C12orf42: variants seen among roughly 807,000 people sequenced by gnomAD.
C12orf42 encodes the protein uncharacterized protein C12orf42.
Under a neutral mutation model 21.6 loss-of-function variants are expected in C12orf42, and 25 were observed. That is an observed-to-expected ratio of 1.16 (90% CI 0.84 to 1.62). C12orf42 has a LOEUF of 1.62. C12orf42 is among the 40% of genes most tolerant of loss of function. The pLI is 0.00. For missense variants in C12orf42, 483 were observed against 459.3 expected (o/e 1.05, Z -0.47); for synonymous variants, 174 against 175.0 (o/e 0.99, Z 0.05).
chr12:103,183,177 G>A, the C12orf42 span, among the ~76,000 whole-genome samples: 1 of 152,196 alleles, frequency 6.6e-6, no homozygotes, highest in Non-Finnish European at 1.5e-5. Context: ...TGCCACCCAG[G>A]TTCAACAGAT....
At chr12:103,415,491 C>A (rs1038591737) in intron 2 of C12orf42, among the ~76,000 whole-genome samples, 1 of 152,184 alleles carries the variant, frequency 6.6e-6, no homozygotes, top group Non-Finnish European at 1.5e-5. Flanking sequence ...TTCTCATCTG[C>A]ACACAGAACA....
chr12:103,561,841 A>T, the C12orf42 span, among the ~76,000 whole-genome samples: 10 of 152,230 alleles, frequency 6.6e-5, no homozygotes, highest in Non-Finnish European at 2.9e-5. Context: ...ATGATCTGGG[A>T]CTTTTCAAAT....
At chr12:103,339,437 T>G (rs913272392) in intron 4 of C12orf42, among the ~76,000 whole-genome samples, 3 of 152,202 alleles carry the variant, frequency 2.0e-5, no homozygotes, top group Non-Finnish European at 4.4e-5. Flanking sequence ...AACTACTACT[T>G]GTGAGACCTT....
intron 1 of C12orf42, among the ~76,000 whole-genome samples, chr12:103,485,104 C>T (rs1187129015): frequency 6.6e-6 from 1 of 152,068 alleles, no homozygotes; most frequent in East Asian, 1.9e-4. Flanking sequence ...CTCCTGATCT[C>T]GTGATCTGCC....
At chr12:103,221,087 A>G in the C12orf42 span, among the ~76,000 whole-genome samples, 2 of 152,220 alleles carry the variant, frequency 1.3e-5, no homozygotes, top group Non-Finnish European at 2.9e-5. Flanking sequence ...ATGTCAAACG[A>G]TTCAGGAAAT....
At chr12:103,201,566 A>G in the C12orf42 span, among the ~76,000 whole-genome samples, 17 of 152,144 alleles carry the variant, frequency 1.1e-4, no homozygotes, top group Non-Finnish European at 1.8e-4. Context: ...TCACCCTTCC[A>G]ATTTGCTTCA....
At chr12:103,184,489 T>C in the C12orf42 span, among the ~76,000 whole-genome samples, 1 of 152,158 alleles carries the variant, frequency 6.6e-6, no homozygotes, top group East Asian at 1.9e-4. Context: ...AACTTCCTTT[T>C]GAAAGCACAA....
the C12orf42 span, among the ~76,000 whole-genome samples, chr12:103,215,674 G>A: frequency 6.6e-6 from 1 of 152,222 alleles, no homozygotes; most frequent in African/African-American, 2.4e-5. Flanking sequence ...CCTTCAAAGA[G>A]GAAAGCAAGC....
At position 103,428,825 on chromosome 12, in the gene C12orf42, A is replaced by T. The variant is rs538915357; in HGVS notation, c.79-27150T>A. Among the ~76,000 whole-genome samples, 208 of 152,312 alleles carry T rather than the reference A, an allele frequency of 1.4e-3. 1 individual carries two copies. Among genetic ancestry groups the T allele is most frequent in the African/African-American group, 4.7e-3 (194 of 41,558 alleles). On this transcript the variant is annotated intron_variant, in intron 2 of 5. Coordinates refer to ENST00000548883, the MANE Select transcript of C12orf42 (RefSeq NM_198521.5). The stretch of plus-strand genomic sequence containing the variant: ...AAGGCTGGTTCAACATACACAAATC[A>T]ATAAACGTAATCCATCACATAAACA...
chr12:103,358,243 A>G (rs1471108776), intron 4 of C12orf42, among the ~76,000 whole-genome samples: 1 of 152,158 alleles, frequency 6.6e-6, no homozygotes, highest in African/African-American at 2.4e-5. Context: ...AGGATAGAGA[A>G]ATAAACTCCA....
At chr12:103,247,821 T>G (rs2034086839) in intron 10 of C12orf42, among the ~76,000 whole-genome samples, 2 of 152,018 alleles carry the variant, frequency 1.3e-5, no homozygotes, top group Admixed American at 1.3e-4. Context: ...ATTGAACTGT[T>G]TAAGACTTAG....
intron 4 of C12orf42, among the ~76,000 whole-genome samples, chr12:103,344,932 C>G (rs1379899113): frequency 5.3e-5 from 8 of 152,186 alleles, no homozygotes; most frequent in Admixed American, 5.2e-4. Flanking sequence ...CAAGGTAGCT[C>G]TGGGTGAATC....
chr12:103,152,209 C>G, the C12orf42 span, among the ~76,000 whole-genome samples: 6 of 152,170 alleles, frequency 3.9e-5, no homozygotes, highest in African/African-American at 1.4e-4. Flanking sequence ...AGGTTGACAC[C>G]TTAATTTTAG....
At chr12:103,110,409 T>C in the C12orf42 span, among the ~76,000 whole-genome samples, 1 of 152,162 alleles carries the variant, frequency 6.6e-6, no homozygotes, top group East Asian at 1.9e-4. Context: ...GAAGGATATA[T>C]AGCCACCTCA....
the C12orf42 span, among the ~76,000 whole-genome samples, chr12:103,226,795 C>T: frequency 1.5e-4 from 23 of 152,094 alleles, no homozygotes; most frequent in South Asian, 8.3e-4. Context: ...AAAGACTCAA[C>T]GACGCTTGTG....
intron 4 of C12orf42, among the ~76,000 whole-genome samples, chr12:103,356,524 C>G (rs1056904190): frequency 5.3e-5 from 8 of 151,866 alleles, no homozygotes; most frequent in African/African-American, 1.9e-4. Flanking sequence ...ATTTATAGTC[C>G]TTTGGGTATA....
At chr12:103,225,789 G>A in the C12orf42 span, among the ~76,000 whole-genome samples, 2 of 152,196 alleles carry the variant, frequency 1.3e-5, no homozygotes, top group Non-Finnish European at 2.9e-5. Flanking sequence ...TGGAGGCAAG[G>A]GAAACAGGCC....
the C12orf42 span, among the ~76,000 whole-genome samples, chr12:103,047,809 T>C: frequency 2.6e-5 from 4 of 152,166 alleles, no homozygotes; most frequent in Non-Finnish European, 4.4e-5. Flanking sequence ...TTCATTCCCA[T>C]GGTCTGTAAT....
chr12:103,225,325 G>T, the C12orf42 span, among the ~76,000 whole-genome samples: 1 of 152,122 alleles, frequency 6.6e-6, no homozygotes, highest in Non-Finnish European at 1.5e-5. Flanking sequence ...AAAAATGGGG[G>T]AATTGTAAGG....
Sources: gnomAD v4.1 joint callset for allele counts (sites outside exome capture counted in the v4.1 genomes callset) on GRCh38, gnomAD v4.1.1 for gene constraint, MANE v1.5 for transcripts, NCBI Gene and HGNC (gene_info 2026-07-23, HGNC 2026-07-21) for gene names.